The following NXN variants were observed in gnomAD, a reference collection of about 807,000 sequenced individuals.
NXN encodes the protein nucleoredoxin 1.
In NXN, 16 loss-of-function variants were observed where a neutral mutation model predicts 48.6. That is an observed-to-expected ratio of 0.33 (90% CI 0.22 to 0.50). The LOEUF (loss-of-function observed/expected upper bound fraction) is 0.50, where lower values mean the gene tolerates loss of function less well. Ranked by LOEUF, NXN falls within the 20% of genes least tolerant of loss-of-function variation. NXN has a pLI of 0.98. For missense variants in NXN, 492 were observed against 605.5 expected, an observed-to-expected ratio of 0.81 and a Z score of 1.97; for synonymous variants, 281 against 269.6, an observed-to-expected ratio of 1.04 and a Z score of -0.41.
At chr17:864,051 T>A in intron 1 of NXN, 2 of 1,488,282 alleles carry the variant, frequency 1.3e-6, no homozygotes, top group Non-Finnish European at 1.8e-6. Context: ...CGTCTGCCAT[T>A]GCTCGGTTCC....
intron 5 of NXN, among the ~76,000 whole-genome samples, chr17:815,034 G>A (rs916677693): frequency 3.9e-5 from 6 of 152,340 alleles, no homozygotes; most frequent in Admixed American, 6.5e-5. Flanking sequence ...CCAAAGTCCA[G>A]GGATTACAGG....
intron 1 of NXN, chr17:959,084 G>A (rs1331912319): frequency 6.5e-6 from 2 of 309,118 alleles, no homozygotes; most frequent in African/African-American, 2.2e-5. Flanking sequence ...CGGGCGGTGT[G>A]GCTGGAGGCG....
At chr17:861,432 C>T (rs865801240) in intron 1 of NXN, among the ~76,000 whole-genome samples, 2 of 152,204 alleles carry the variant, frequency 1.3e-5, no homozygotes, top group African/African-American at 4.8e-5. Flanking sequence ...CCGCGCCTGA[C>T]CATTCTTTGC....
At chr17:934,394 C>T (rs987709940) in intron 1 of NXN, among the ~76,000 whole-genome samples, 10 of 149,780 alleles carry the variant, frequency 6.7e-5, no homozygotes, top group East Asian at 2.0e-4. Flanking sequence ...TGCAGTGAGC[C>T]GAGATAGCAC....
intron 1 of NXN, among the ~76,000 whole-genome samples, chr17:953,397 A>G (rs1307651080): frequency 1.3e-5 from 2 of 152,116 alleles, no homozygotes; most frequent in African/African-American, 2.4e-5. Flanking sequence ...CCTGGGAGAC[A>G]GAGCGAGACT....
At chr17:944,341 C>T (rs899326860) in intron 1 of NXN, among the ~76,000 whole-genome samples, 3 of 152,202 alleles carry the variant, frequency 2.0e-5, no homozygotes, top group African/African-American at 7.2e-5. Flanking sequence ...CTGTCTCGTC[C>T]ATATTGGCCC....
At position 960,736 on chromosome 17, in the gene NXN, C is replaced by T. The variant is rs150465941; in HGVS notation, c.360+18583G>A. ...CGAGTGATCCTCTCACCTTGGCCTC[C>T]CAAAGCACTGGGATTACAGGTGTGA... On this transcript the variant is annotated intron_variant, in intron 1 of 7. Transcript: ENST00000336868. 4.6e-5 allele frequency among the ~76,000 whole-genome samples: 7 copies of T among 152,024 alleles called. No individual in the cohort carries two copies. In the East Asian group the frequency reaches 1.4e-3, roughly 30 times the overall value.
At chr17:846,776 T>C (rs1382370329) in intron 1 of NXN, among the ~76,000 whole-genome samples, 2 of 152,072 alleles carry the variant, frequency 1.3e-5, no homozygotes, top group Non-Finnish European at 2.9e-5. Context: ...AGGAAAGGAA[T>C]GTGAGCTGGT....
chr17:870,251 T>G (rs2068137041), intron 1 of NXN, among the ~76,000 whole-genome samples: 1 of 152,178 alleles, frequency 6.6e-6, no homozygotes, highest in Non-Finnish European at 1.5e-5. Context: ...AGCCCAGGAA[T>G]GCAGGACGTG....
In NXN at chr17:930,699, T is replaced by G. The variant is rs142960648; in HGVS notation, c.360+48620A>C. The stretch of plus-strand genomic sequence containing the variant: ...GATAAGGAGTAAAGGCATAAACATG[T>G]TATTAAATGCTAAAAGTGTAACCAG... On this transcript the variant is annotated intron_variant, in intron 1 of 7. Transcript: ENST00000336868. Among the ~76,000 whole-genome samples the G allele has an allele frequency of 2.0e-5, 3 of 151,930 alleles. No homozygotes were observed. In the East Asian group the frequency reaches 5.8e-4, roughly 29 times the overall value.
intron 1 of NXN, among the ~76,000 whole-genome samples, chr17:883,990 G>T (rs1221551277): frequency 6.6e-6 from 1 of 152,192 alleles, no homozygotes; most frequent in Non-Finnish European, 1.5e-5. Flanking sequence ...AGGCCAAGAC[G>T]GGCGGATCAC....
At chr17:938,858 A>G (rs1320666831) in intron 1 of NXN, among the ~76,000 whole-genome samples, 1 of 151,934 alleles carries the variant, frequency 6.6e-6, no homozygotes, top group Non-Finnish European at 1.5e-5. Flanking sequence ...CCAGGGGTTC[A>G]AGACCAGCCT....
chr17:857,369 T>C (rs1327238875), intron 1 of NXN, among the ~76,000 whole-genome samples: 1 of 152,168 alleles, frequency 6.6e-6, no homozygotes, highest in African/African-American at 2.4e-5. Flanking sequence ...CAAGGGATTC[T>C]CCTGCCTCAG....
intron 1 of NXN, among the ~76,000 whole-genome samples, chr17:883,604 G>T (rs1423118035): frequency 1.3e-5 from 2 of 152,244 alleles, no homozygotes; most frequent in Non-Finnish European, 2.9e-5. Context: ...ATGAAGCCAG[G>T]TCGATGCTGG....
chr17:838,131 T>C (rs1404295213), intron 1 of NXN, among the ~76,000 whole-genome samples: 1 of 137,538 alleles, frequency 7.3e-6, no homozygotes, highest in African/African-American at 2.8e-5. Flanking sequence ...TCCTTCTTTT[T>C]TTTTTTTTTT....
rs1597603529 is a variant in NXN, at chr17:799,674, C to A, written c.*1275G>T. The A allele has an allele frequency of 6.6e-6, 1 of 152,286 alleles. No homozygotes were observed. Among genetic ancestry groups the A allele is most frequent in the African/African-American group, 2.4e-5 (1 of 41,466 alleles). 9.4% of individuals were successfully genotyped at this position (152,286 alleles called of 1,614,324 possible). On this transcript the variant is annotated 3_prime_UTR_variant, in exon 8 of 8. Transcript: ENST00000336868. The stretch of plus-strand genomic sequence containing the variant: ...TCAGCCCAAGTAAGAGGCCAACAAC[C>A]TACCTGGGCCGATACAAGGCGACAC...
chr17:823,885 CGGCA>C, intron 2 of NXN, 120 bp from the exon 3 acceptor site: 2 of 930,556 alleles, frequency 2.1e-6, no homozygotes, highest in South Asian at 3.3e-5. Flanking sequence ...GACCTCAGAG[CGGCA>C]GGCGTGACAA....
chr17:900,530 T>C (rs2068527734), intron 1 of NXN, among the ~76,000 whole-genome samples: 1 of 152,130 alleles, frequency 6.6e-6, no homozygotes, highest in Admixed American at 6.6e-5. Flanking sequence ...AGGAGGCTGC[T>C]GGCAAACCAT....
At chr17:837,910 G>A (rs770439873) in intron 1 of NXN, among the ~76,000 whole-genome samples, 7 of 152,146 alleles carry the variant, frequency 4.6e-5, no homozygotes, top group Non-Finnish European at 1.0e-4. Context: ...ACCTATGCAT[G>A]CCCCAAGGAT....
Sources: gnomAD v4.1 joint callset for allele counts (sites outside exome capture counted in the v4.1 genomes callset) on GRCh38, gnomAD v4.1.1 for gene constraint, MANE v1.5 for transcripts, NCBI Gene and HGNC (gene_info 2026-07-23, HGNC 2026-07-21) for gene names.